Variants in ZFR observed in about 807,000 individuals in gnomAD.
The protein encoded by ZFR is zinc finger RNA binding protein, also known as zinc finger RNA-binding protein.
In ZFR, 19 loss-of-function variants were observed where a neutral mutation model predicts 130.7. The ratio of observed to expected loss-of-function variants is 0.15; its 90% confidence interval spans 0.10 to 0.21. ZFR has a LOEUF of 0.21. Among genes scored for constraint, ZFR ranks in the 10% least tolerant of loss-of-function variants. ZFR has a pLI of 1.00. For synonymous variants in ZFR, 466 were observed against 456.9 expected (o/e 1.02, Z -0.25); for missense variants, 872 against 1,321.5 (o/e 0.66, Z 5.27).
chr5:32,402,836 T>C (rs1581699193), intron 8 of ZFR, among the ~76,000 whole-genome samples: 1 of 147,274 alleles, frequency 6.8e-6, no homozygotes, highest in South Asian at 2.2e-4. Flanking sequence ...ATTAGAGAAA[T>C]GGGAAAAGGG....
chr5:32,433,708 T>C (rs942257632), intron 2 of ZFR, among the ~76,000 whole-genome samples: 2 of 152,232 alleles, frequency 1.3e-5, no homozygotes, highest in Admixed American at 6.5e-5. Flanking sequence ...CCAATCACTT[T>C]TATATAAAGC....
At position 32,355,786 on chromosome 5, in the gene ZFR, CT is replaced by C; in HGVS notation, c.3198del (p.Asp1067ThrfsTer13). 2.5e-6 allele frequency: 4 copies of C among 1,586,908 alleles called. No individual in the cohort carries two copies. The Admixed American group carries it at 5.7e-5, about 22-fold the overall frequency. On this transcript the variant is annotated frameshift_variant, in exon 20 of 20. Coordinates refer to ENST00000265069, the MANE Select transcript of ZFR (RefSeq NM_016107.5). LOFTEE classifies it high-confidence loss of function. Reference protein sequence around the residue: ...GVDGFEAEGKKDKKDYDNF With the variant: ...GVDGFEAEGKXDKKDYDNF The stretch of plus-strand genomic sequence containing the variant: ...TAAAAGTTATCATAATCTTTTTTGT[CT>C]TTTTTCCCCTCAGCTTCAAATCCAT...
chr5:32,397,751 G>C (rs1753349851), intron 9 of ZFR, among the ~76,000 whole-genome samples: 2 of 151,398 alleles, frequency 1.3e-5, no homozygotes, highest in South Asian at 2.1e-4. Flanking sequence ...CACTGCGCCT[G>C]GCCTATTACT....
intron 8 of ZFR, among the ~76,000 whole-genome samples, chr5:32,402,622 A>G (rs1162175505): frequency 6.6e-6 from 1 of 151,526 alleles, no homozygotes; most frequent in Non-Finnish European, 1.5e-5. Flanking sequence ...AGAAAAAAAA[A>G]AAAAAACTGG....
rs755849617 is a variant in ZFR, at chr5:32,403,208, T to A, written c.1414A>T (p.Thr472Ser). 8 of 1,614,114 alleles carry A rather than the reference T, an allele frequency of 5.0e-6. No individual in the cohort carries two copies. Among genetic ancestry groups the A allele is most frequent in the Middle Eastern group, 1.6e-4 (1 of 6,084 alleles). ...GTGCTATTAAGAGACGAGTTTCCTG[T>A]AGTCGTAAGACCCTTCATTGAAGAC... ...ATSSMKGLTTTGNSSLNSTSN... is the reference protein window; with the variant it reads ...ATSSMKGLTTSGNSSLNSTSN... The change falls in exon 8 of 20, where the codon ACA becomes TCA. Residue 472 changes from threonine (T) to serine (S), a missense_variant. Physicochemically the swap from Thr to Ser is moderately conservative, Grantham distance 58. This residue lies in a region of ZFR where 143 missense variants were observed against 137.9 expected (regional missense o/e 1.04). Coordinates refer to ENST00000265069, the MANE Select transcript of ZFR (RefSeq NM_016107.5).
At chr5:32,416,180 C>T (rs6878773) in intron 4 of ZFR, among the ~76,000 whole-genome samples, 145,223 of 152,328 alleles carry the variant, frequency 0.95, 69,288 homozygotes, top group African/African-American at 0.98. Flanking sequence ...AAGAGCTAAA[C>T]AACTTACACA....
chr5:32,385,073 G>A (rs1404194350), intron 15 of ZFR, among the ~76,000 whole-genome samples: 2 of 152,046 alleles, frequency 1.3e-5, no homozygotes, highest in South Asian at 2.1e-4. Context: ...AATGTGTTAC[G>A]AATACTTAGC....
In ZFR at chr5:32,406,999, T is replaced by C; in HGVS notation, c.807A>G (p.Glu269=). The C allele has an allele frequency of 6.4e-7, 1 of 1,551,856 alleles. No homozygotes were observed. The highest frequency in any genetic ancestry group is 1.4e-5 in the African/African-American group (1 of 71,644). The change falls in exon 6 of 20, where the codon GAA becomes GAG. Residue 269 remains glutamate, a synonymous_variant. Coordinates refer to ENST00000265069, the MANE Select transcript of ZFR (RefSeq NM_016107.5). ...AAGATGCAGCTGAATACACTGCTGCTTCATAACCTGAATAAGACGTACCTT... is the reference window on the plus strand; with the variant it reads ...AAGATGCAGCTGAATACACTGCTGCCTCATAACCTGAATAAGACGTACCTT... The part of the protein sequence containing the change: ...TYSGTSYSGY[E]AAVYSAASSY...
chr5:32,356,136 TTTG>T (rs1422432061), intron 19 of ZFR, among the ~76,000 whole-genome samples, 197 bp from the exon 20 acceptor site: 4 of 152,102 alleles, frequency 2.6e-5, no homozygotes, highest in Non-Finnish European at 5.9e-5. Context: ...TGCATGCCAT[TTTG>T]TTATCTTAAA....
chr5:32,392,154 C>T (rs538708416), intron 11 of ZFR, among the ~76,000 whole-genome samples: 17 of 152,296 alleles, frequency 1.1e-4, no homozygotes, highest in East Asian at 5.8e-4. Flanking sequence ...AAATCCTGTT[C>T]GTTTCAGTTT....
intron 9 of ZFR, among the ~76,000 whole-genome samples, chr5:32,397,934 T>C (rs1029061713): frequency 7.7e-6 from 1 of 129,268 alleles, no homozygotes; most frequent in African/African-American, 2.8e-5. Context: ...CTCGGCTCAC[T>C]GCCAGCTCCG....
chr5:32,444,331 G>A lies in ZFR; in HGVS notation c.38-3C>T, dbSNP rs779047445. 3 of 1,536,994 alleles carry A rather than the reference G, an allele frequency of 2.0e-6. No homozygotes were observed. Among genetic ancestry groups the A allele is most frequent in the South Asian group, 1.2e-5 (1 of 82,110 alleles). On this transcript the variant is annotated splice_polypyrimidine_tract_variant and splice_region_variant and intron_variant, in intron 1 of 19. Transcript: ENST00000265069. ...ATCTTCCCCCAGCCGGCTGGGCACT[G>A]CGGCGGGCACGAAGAGTCGGGTCCC...
intron 17 of ZFR, among the ~76,000 whole-genome samples, chr5:32,368,754 C>A (rs550214052): frequency 6.6e-6 from 1 of 152,194 alleles, no homozygotes; most frequent in Non-Finnish European, 1.5e-5. Flanking sequence ...TGCTTATCCT[C>A]GCTAAGTGAT....
chr5:32,370,110 T>TG (rs1197202111), intron 17 of ZFR, among the ~76,000 whole-genome samples: 19 of 150,350 alleles, frequency 1.3e-4, no homozygotes, highest in Non-Finnish European at 2.4e-4. Context: ...TTTTTTTTTT[T>TG]TGAGATAGGG....
At chr5:32,442,439 A>G (rs1754495244) in intron 2 of ZFR, among the ~76,000 whole-genome samples, 1 of 152,246 alleles carries the variant, frequency 6.6e-6, no homozygotes, top group African/African-American at 2.4e-5. Flanking sequence ...TGAATTTTTT[A>G]AAAGTCCTAA....
At chr5:32,367,942 G>A (rs1752582997) in intron 17 of ZFR, among the ~76,000 whole-genome samples, 1 of 152,046 alleles carries the variant, frequency 6.6e-6, no homozygotes, top group South Asian at 2.1e-4. Context: ...ATAAAGCTGA[G>A]ATTTGAACCC....
At chr5:32,396,096 G>C (rs923197872) in intron 10 of ZFR, among the ~76,000 whole-genome samples, 1 of 151,976 alleles carries the variant, frequency 6.6e-6, no homozygotes, top group Non-Finnish European at 1.5e-5. Flanking sequence ...GCACATGCCT[G>C]TAGTCCCAGT....
chr5:32,379,827 T>TAACAATA, intron 16 of ZFR: 1 of 341,246 alleles, frequency 2.9e-6, no homozygotes, highest in Non-Finnish European at 5.4e-6. Context: ...ATATAGCCAC[T>TAACAATA]AAAAATAAAA....
At chr5:32,418,956 C>G (rs1337455233) in intron 3 of ZFR, among the ~76,000 whole-genome samples, 2 of 151,972 alleles carry the variant, frequency 1.3e-5, no homozygotes, top group African/African-American at 2.4e-5. Context: ...GAGTAAGAGG[C>G]AACTGGATGA....
Sources: allele counts gnomAD v4.1 joint callset (sites outside exome capture counted in the v4.1 genomes callset), GRCh38; gene constraint gnomAD v4.1.1; regional missense constraint gnomAD v4.1.1; transcripts MANE v1.5; gene names NCBI Gene and HGNC (gene_info 2026-07-23, HGNC 2026-07-21).